The following GABRB1 variants were observed in gnomAD, a reference collection of about 807,000 sequenced individuals.
GABRB1 encodes gamma-aminobutyric acid type A receptor subunit beta1.
GABRB1 carries 17 observed loss-of-function variants against 51.6 expected under a neutral mutation model. The ratio of observed to expected loss-of-function variants is 0.33; its 90% CI spans 0.23 to 0.49. The LOEUF is 0.49. GABRB1 is among the 20% of genes least tolerant of loss of function. The pLI is 0.99. For synonymous variants in GABRB1, 247 were observed against 218.9 expected (o/e 1.13, Z -1.14); for missense variants, 410 against 600.6 (o/e 0.68, Z 3.32).
At chr4:47,239,194 A>C (rs1721434113) in intron 4 of GABRB1, among the ~76,000 whole-genome samples, 2 of 152,322 alleles carry the variant, frequency 1.3e-5, no homozygotes, top group South Asian at 4.1e-4. Context: ...CAAGATACTG[A>C]ATATTTTTAG....
At chr4:47,332,346 G>C (rs895798907) in intron 5 of GABRB1, among the ~76,000 whole-genome samples, 3 of 152,114 alleles carry the variant, frequency 2.0e-5, no homozygotes, top group South Asian at 2.1e-4. Flanking sequence ...CATAATTATA[G>C]TGCAACAGGC....
chr4:47,332,804 C>T (rs1241869050), intron 5 of GABRB1, among the ~76,000 whole-genome samples: 1 of 151,780 alleles, frequency 6.6e-6, no homozygotes, highest in African/African-American at 2.4e-5. Flanking sequence ...AGAATAGAAA[C>T]ATAGAAATGA....
chr4:47,108,516 A>T (rs1436378157), intron 3 of GABRB1, among the ~76,000 whole-genome samples: 4 of 152,056 alleles, frequency 2.6e-5, no homozygotes, highest in Non-Finnish European at 4.4e-5. Flanking sequence ...GAATACAAAT[A>T]CCAAAGTTTC....
chr4:47,117,095 A>C (rs192800135), intron 3 of GABRB1, among the ~76,000 whole-genome samples: 14 of 152,242 alleles, frequency 9.2e-5, no homozygotes, highest in Non-Finnish European at 1.3e-4. Context: ...ATACAGCCAA[A>C]CCATATCAGC....
intron 4 of GABRB1, among the ~76,000 whole-genome samples, chr4:47,305,627 T>G (rs772818147): frequency 6.6e-6 from 1 of 152,136 alleles, no homozygotes; most frequent in Admixed American, 6.6e-5. Flanking sequence ...TAAATGAATG[T>G]GTAATTGCAA....
At chr4:47,425,629 A>G (rs1385048035) in intron 8 of GABRB1, 45 bp from the exon 9 acceptor site, 1 of 1,449,606 alleles carries the variant, frequency 6.9e-7, no homozygotes, top group South Asian at 1.3e-5. Context: ...GAAAACAGGC[A>G]AAGGTCCTGC....
intron 3 of GABRB1, among the ~76,000 whole-genome samples, chr4:47,109,004 A>G (rs1469094667): frequency 1.3e-5 from 2 of 152,138 alleles, no homozygotes; most frequent in Non-Finnish European, 2.9e-5. Context: ...TGCTTTGGGT[A>G]TCAAGATTGT....
chr4:47,351,780 G>A (rs1255050334), intron 5 of GABRB1, among the ~76,000 whole-genome samples: 1 of 151,700 alleles, frequency 6.6e-6, no homozygotes, highest in Non-Finnish European at 1.5e-5. Context: ...TGGTGTATAT[G>A]TGCCACATTT....
intron 5 of GABRB1, among the ~76,000 whole-genome samples, chr4:47,400,526 G>GTCTCTCTCTCTC (rs56896606): frequency 0.15 from 17,584 of 117,566 alleles, 1,145 homozygotes; most frequent in Non-Finnish European, 0.19. Context: ...CCAGGAGGTA[G>GTCTCTCTCTCTC]TCTCTCTCTC....
chr4:47,244,111 C>T (rs1162673361), intron 4 of GABRB1, among the ~76,000 whole-genome samples: 6 of 152,204 alleles, frequency 3.9e-5, no homozygotes, highest in East Asian at 1.9e-4. Flanking sequence ...TGAATTTTGT[C>T]GAAGGCCTTT....
At chr4:47,271,142 A>G (rs1458424496) in intron 4 of GABRB1, among the ~76,000 whole-genome samples, 1 of 152,294 alleles carries the variant, frequency 6.6e-6, no homozygotes, top group South Asian at 2.1e-4. Context: ...GGAAAATGTT[A>G]GGGGAAAAGT....
At chr4:47,111,797 C>T (rs976187228) in intron 3 of GABRB1, among the ~76,000 whole-genome samples, 5 of 151,884 alleles carry the variant, frequency 3.3e-5, no homozygotes, top group African/African-American at 1.2e-4. Context: ...CCCAGGAGAT[C>T]GAGGCTGAAG....
chr4:47,175,194 C>T (rs1049663000), intron 4 of GABRB1, among the ~76,000 whole-genome samples: 6 of 146,286 alleles, frequency 4.1e-5, no homozygotes, highest in African/African-American at 1.3e-4. Context: ...TTCTCTCTCT[C>T]TCTTTCTTTC....
intron 5 of GABRB1, among the ~76,000 whole-genome samples, chr4:47,342,899 C>T (rs1304810176): frequency 6.6e-6 from 1 of 151,990 alleles, no homozygotes; most frequent in Non-Finnish European, 1.5e-5. Flanking sequence ...AGTATTTCTT[C>T]CAAAACATTA....
At chr4:47,246,395 T>TATAA (rs1721762700) in intron 4 of GABRB1, among the ~76,000 whole-genome samples, 2 of 99,340 alleles carry the variant, frequency 2.0e-5, no homozygotes, top group African/African-American at 3.5e-5. Flanking sequence ...TATATATATA[T>TATAA]AAAATACCAC....
intron 1 of GABRB1, among the ~76,000 whole-genome samples, chr4:47,007,772 G>A (rs1435493218): frequency 2.0e-5 from 3 of 151,150 alleles, no homozygotes; most frequent in African/African-American, 7.3e-5. Context: ...AGGCCGGATA[G>A]GGGAGACAGA....
intron 3 of GABRB1, among the ~76,000 whole-genome samples, chr4:47,052,277 G>A (rs1012084533): frequency 6.6e-6 from 1 of 152,194 alleles, no homozygotes; most frequent in African/African-American, 2.4e-5. Context: ...AAAGGAACAT[G>A]AGAAAGATGT....
At chr4:47,320,467 C>T (rs188021529) in intron 5 of GABRB1, among the ~76,000 whole-genome samples, 9 of 152,150 alleles carry the variant, frequency 5.9e-5, no homozygotes, top group Non-Finnish European at 1.3e-4. Flanking sequence ...TCTCCCAAAG[C>T]CTTCCAATAT....
intron 5 of GABRB1, among the ~76,000 whole-genome samples, chr4:47,399,414 T>C (rs1392460912): frequency 4.6e-5 from 7 of 152,200 alleles, no homozygotes; most frequent in South Asian, 4.1e-4. Context: ...AGTTCTTAAA[T>C]GTCTGTTTGT....
Sources: gnomAD v4.1 joint callset for allele counts (sites outside exome capture counted in the v4.1 genomes callset) on GRCh38, gnomAD v4.1.1 for gene constraint, MANE v1.5 for transcripts, NCBI Gene and HGNC (gene_info 2026-07-23, HGNC 2026-07-21) for gene names.